ZNF180: variants seen among roughly 807,000 people sequenced by gnomAD.
The protein encoded by ZNF180 is zinc finger protein 180, also known as zinc finger protein 180 (HHZ168).
ZNF180 carries 11 observed loss-of-function variants against 11.8 expected under a neutral mutation model. That is an observed-to-expected ratio of 0.93 (90% CI 0.59 to 1.55). ZNF180 has a LOEUF of 1.55. Ranked by LOEUF, ZNF180 falls within the 40% of genes most tolerant of loss-of-function variation. ZNF180 has a pLI of 0.00. For synonymous variants in ZNF180, 287 were observed against 257.7 expected, an observed-to-expected ratio of 1.11 and a Z score of -1.09; for missense variants, 773 against 781.7, an observed-to-expected ratio of 0.99 and a Z score of 0.13.
In ZNF180 at chr19:44,477,697, G is replaced by A. The variant is rs371436298; in HGVS notation, c.703C>T (p.Gln235Ter). 4 of 1,613,960 alleles carry A rather than the reference G, an allele frequency of 2.5e-6. No individual in the cohort carries two copies. The highest frequency in any genetic ancestry group is 2.5e-6 in the Non-Finnish European group (3 of 1,179,928). The stretch of plus-strand genomic sequence containing the variant: ...TCTTTTGTTTGAGTTCTTGTAAACT[G>A]AATAAGGTGAATGCTCTGAGGGGGT... ...GKPPQSIHLI[Q>*]FTRTQTKDKS... The change falls in exon 5 of 5, where the codon CAG becomes TAG. Residue 235 changes from glutamine to a stop codon, truncating the protein, a stop_gained. Transcript: ENST00000592529. LOFTEE classifies it low-confidence loss of function (END_TRUNC).
Position 44,477,208 on chromosome 19 carries a change from CA to C in ZNF180, c.1191del (p.Val398LeufsTer220), listed in dbSNP as rs748472001. The C allele has an allele frequency of 1.9e-6, 3 of 1,614,110 alleles. No individual in the cohort carries two copies. The highest frequency in any genetic ancestry group is 1.3e-5 in the African/African-American group (1 of 75,020). Reference protein sequence around the residue: ...CGKSFSQSYVLVVHQRTHTGE... With the variant: ...CGKSFSQSYVXVVHQRTHTGE... ...CCAGTATGAGTTCTTTGATGCACAA[CA>C]AGGACATAACTCTGGCTAAAGGATT... On this transcript the variant is annotated frameshift_variant, in exon 5 of 5. Transcript: ENST00000592529. LOFTEE classifies it low-confidence loss of function (END_TRUNC).
At chr19:44,487,522 G>A (rs769650464) in intron 2 of ZNF180, among the ~76,000 whole-genome samples, 16 of 152,182 alleles carry the variant, frequency 1.1e-4, no homozygotes, top group Non-Finnish European at 1.6e-4. Context: ...GTTTTGTCAG[G>A]AAGTTACCCT....
intron 1 of ZNF180, among the ~76,000 whole-genome samples, chr19:44,499,137 G>A (rs1273499704): frequency 6.6e-6 from 1 of 152,212 alleles, no homozygotes; most frequent in Non-Finnish European, 1.5e-5. Flanking sequence ...AGTAGCTTGA[G>A]CATACAGCTC....
chr19:44,489,820 GA>G (rs2123481923), intron 2 of ZNF180, among the ~76,000 whole-genome samples: 2 of 79,312 alleles, frequency 2.5e-5, no homozygotes, highest in East Asian at 1.9e-3. Flanking sequence ...TTGACCGAAA[GA>G]AAAGAAAGAA....
chr19:44,480,417 C>T (rs772504467), intron 3 of ZNF180, among the ~76,000 whole-genome samples: 1 of 152,154 alleles, frequency 6.6e-6, no homozygotes, highest in Non-Finnish European at 1.5e-5. Flanking sequence ...ATTGTCTTTC[C>T]CTGGCGAGTT....
At position 44,477,082 on chromosome 19, in the gene ZNF180, A is replaced by C; in HGVS notation, c.1318T>G (p.Cys440Gly). ...RTHTGEKPYE[C>G]NQCGKSFIQS... ...ATAAATGATTTCCCACATTGATTAC[A>C]TTCATAGGGCTTCTCTCCGGTATGT... is the stretch of plus-strand genomic sequence containing the variant. The change falls in exon 5 of 5, where the codon TGT (cysteine) becomes GGT (glycine). Residue 440 changes from cysteine (C) to glycine (G), a missense_variant. Cys to Gly is a radical substitution (Grantham distance 159). Coordinates refer to ENST00000592529, the MANE Select transcript of ZNF180 (RefSeq NM_001278509.3). The C allele has an allele frequency of 6.2e-7, 1 of 1,613,926 alleles. No homozygotes were observed. The highest frequency in any genetic ancestry group is 8.5e-7 in the Non-Finnish European group (1 of 1,179,890).
intron 1 of ZNF180, 83 bp from the exon 2 acceptor site, chr19:44,497,460 A>T: frequency 1.5e-6 from 2 of 1,317,230 alleles, no homozygotes; most frequent in South Asian, 2.8e-5. Flanking sequence ...CCCTGCTCCC[A>T]GGATGCAGGA....
At chr19:44,488,089 C>T (rs1225235335) in intron 2 of ZNF180, among the ~76,000 whole-genome samples, 2 of 66,844 alleles carry the variant, frequency 3.0e-5, no homozygotes, top group East Asian at 5.4e-4. Flanking sequence ...CCTCTCCCCA[C>T]GGTCTCCCTC....
Position 44,476,282 on chromosome 19 carries a change from G to T in ZNF180, c.*120C>A. The T allele has an allele frequency of 1.0e-6, 1 of 967,588 alleles. No individual in the cohort carries two copies. The highest frequency in any genetic ancestry group is 1.5e-6 in the Non-Finnish European group (1 of 687,370). The allele number at this position is 967,588 out of a possible 1,614,324, so 59.9% of individuals were successfully genotyped here. A position where few individuals can be genotyped will look rare whatever the true frequency, so the allele number is the denominator to read the frequency against. ...ATTTGAGACACACAATTAACAGAGG[G>T]CTGGAAGTTTTCCCACATATATTGT... On this transcript the variant is annotated 3_prime_UTR_variant, in exon 5 of 5. Transcript: ENST00000592529.
chr19:44,497,196 G>C, intron 2 of ZNF180, 88 bp downstream of exon 2: 1 of 1,220,096 alleles, frequency 8.2e-7, no homozygotes. Context: ...CCCCTAAAAG[G>C]CTGCAAAGAG....
intron 2 of ZNF180, among the ~76,000 whole-genome samples, chr19:44,486,437 C>G (rs918452909): frequency 6.6e-6 from 1 of 152,202 alleles, no homozygotes; most frequent in Non-Finnish European, 1.5e-5. Flanking sequence ...TGAAACAACG[C>G]AATTCCTTTG....
chr19:44,482,489 T>A (rs928212999), intron 3 of ZNF180, among the ~76,000 whole-genome samples: 1 of 152,048 alleles, frequency 6.6e-6, no homozygotes, highest in African/African-American at 2.4e-5. Flanking sequence ...AAGGAGTGCA[T>A]GTCCTCCCAG....
At chr19:44,493,402 C>G (rs951444969) in intron 2 of ZNF180, among the ~76,000 whole-genome samples, 3 of 152,230 alleles carry the variant, frequency 2.0e-5, no homozygotes, top group African/African-American at 7.2e-5. Flanking sequence ...TCACTGGACT[C>G]GTGGCCTTCG....
chr19:44,479,341 A>G lies in ZNF180; in HGVS notation c.195T>C (p.Ala65=). The change falls in exon 4 of 5, where the codon GCT becomes GCC. Residue 65 remains alanine, a synonymous_variant. Transcript: ENST00000592529. ...TCACATCTCTGTCCAGGGTCCTCTGAGCAGGGTTGCAAGTACCCTGTTCCT... is the reference window on the plus strand; with the variant it reads ...TCACATCTCTGTCCAGGGTCCTCTGGGCAGGGTTGCAAGTACCCTGTTCCT... ...TREEQGTCNP[A]QRTLDRDVIL... is the part of the protein sequence containing the mutation. The G allele has an allele frequency of 1.9e-6, 3 of 1,614,100 alleles. No homozygotes were observed. The highest frequency in any genetic ancestry group is 2.5e-6 in the Non-Finnish European group (3 of 1,179,970).
chr19:44,500,107 A>G (rs1568440428), intron 1 of ZNF180, 168 bp downstream of exon 1: 1 of 1,570,556 alleles, frequency 6.4e-7, no homozygotes, highest in Non-Finnish European at 8.8e-7. Flanking sequence ...CAGTCGCGGA[A>G]TATACAGCTG....
At chr19:44,481,703 G>C (rs188170548) in intron 3 of ZNF180, among the ~76,000 whole-genome samples, 164 of 152,296 alleles carry the variant, frequency 1.1e-3, no homozygotes, top group African/African-American at 3.8e-3. Flanking sequence ...CCAATGCTTA[G>C]CATAGTGTTT....
chr19:44,499,201 C>T (rs900462089), intron 1 of ZNF180, among the ~76,000 whole-genome samples: 20 of 152,218 alleles, frequency 1.3e-4, no homozygotes, highest in Non-Finnish European at 2.2e-4. Context: ...CTCGAGCCTA[C>T]GATACAGCAG....
chr19:44,489,610 G>A lies in ZNF180; in HGVS notation c.52-5175C>T, dbSNP rs1325111339. 3.4e-4 allele frequency among the ~76,000 whole-genome samples: 37 copies of A among 108,116 alleles called. 7 individuals are homozygous for A. Among genetic ancestry groups the A allele is most frequent in the African/African-American group, 8.7e-4 (29 of 33,280 alleles). The allele number at this position is 108,116 out of a possible 152,430, so 70.9% of individuals were successfully genotyped here. A position where few individuals can be genotyped will look rare whatever the true frequency, so the allele number is the denominator to read the frequency against. On this transcript the variant is annotated intron_variant, in intron 2 of 4. Transcript: ENST00000592529. ...AGGGACACAAACGCTGTGGAAGGCC[G>A]CAGGGTCCTCTGCCTAGGAAAACCA...
intron 3 of ZNF180, among the ~76,000 whole-genome samples, chr19:44,481,533 C>T (rs565489172): frequency 6.6e-6 from 1 of 152,128 alleles, no homozygotes; most frequent in South Asian, 2.1e-4. Context: ...ACAGATAATA[C>T]TAAACTAGAT....
Sources: allele counts gnomAD v4.1 joint callset (sites outside exome capture counted in the v4.1 genomes callset), GRCh38; gene constraint gnomAD v4.1.1; transcripts MANE v1.5; gene names NCBI Gene and HGNC (gene_info 2026-07-23, HGNC 2026-07-21).